The following TXNDC11 variants were observed in gnomAD, a reference collection of about 807,000 sequenced individuals.
TXNDC11 encodes thioredoxin domain containing 11, also known as thioredoxin domain-containing protein 11.
A neutral mutation model predicts 78.0 loss-of-function variants in TXNDC11; 68 were observed. The observed-to-expected ratio is 0.87, with a 90% CI of 0.72 to 1.07. The LOEUF (loss-of-function observed/expected upper bound fraction) is 1.07. Ranked by LOEUF, TXNDC11 falls within the 50% of genes least tolerant of loss-of-function variation. The pLI, the probability that TXNDC11 is intolerant of heterozygous loss-of-function variation, is 0.00. For missense variants in TXNDC11, 1,389 were observed against 1,221.8 expected (o/e 1.14, Z -2.04); for synonymous variants, 571 against 495.2 (o/e 1.15, Z -2.03).
intron 4 of TXNDC11, among the ~76,000 whole-genome samples, chr16:11,728,984 G>A (rs1368427808): frequency 6.6e-6 from 1 of 152,046 alleles, no homozygotes; most frequent in African/African-American, 2.4e-5. Flanking sequence ...CTGGGTAACA[G>A]AGTGAGACCA....
intron 3 of TXNDC11, among the ~76,000 whole-genome samples, chr16:11,732,968 C>T (rs1361916299): frequency 6.6e-6 from 1 of 152,214 alleles, no homozygotes; most frequent in African/African-American, 2.4e-5. Flanking sequence ...GTCCTATCTC[C>T]TATCTCCAAA....
intron 7 of TXNDC11, among the ~76,000 whole-genome samples, chr16:11,694,097 CTTTTTTTTTTTTTTTTT>C (rs535913245): frequency 1.2e-5 from 1 of 85,690 alleles, no homozygotes; most frequent in Non-Finnish European, 2.2e-5. Flanking sequence ...TACAGCAATG[CTTTTTTTTTTTTTTTTT>C]TTTTTTTTTT....
At position 11,691,783 on chromosome 16, in the gene TXNDC11, T is replaced by A. The variant is rs752661970; in HGVS notation, c.1407A>T (p.Ala469=). Reference sequence around the variant, plus strand: ...TGAGGTAGAAAGAATCCAGAGCTGCTGCCATTTCAAAAAAGCTGCACTGTG... The same window carrying A: ...TGAGGTAGAAAGAATCCAGAGCTGCAGCCATTTCAAAAAAGCTGCACTGTG... ...SVPQCSFFEM[A]AALDSFYLKE... Residue 469 remains alanine (A), a synonymous_variant, in exon 8 of 12, where the codon GCA becomes GCT. Coordinates refer to ENST00000283033, the MANE Select transcript of TXNDC11 (RefSeq NM_015914.7). The A allele has an allele frequency of 6.2e-7, 1 of 1,614,258 alleles. No individual in the cohort carries two copies. The highest frequency in any genetic ancestry group is 1.1e-5 in the South Asian group (1 of 91,092).
rs530068524 is a variant in TXNDC11 at position 11,692,137 on chromosome 16, C to T, written c.1108-55G>A. 20 of 1,369,286 alleles carry T rather than the reference C, an allele frequency of 1.5e-5. No homozygotes were observed. The East Asian group carries it at 3.3e-4, about 22-fold the overall frequency. 84.8% of individuals were successfully genotyped at this position (1,369,286 alleles called of 1,614,324 possible). A position where few individuals can be genotyped will look rare whatever the true frequency, so the allele number is the denominator to read the frequency against. ...CTTGGGGATGACTGAGGGACTAGCA[C>T]CCCGTTAGCCACGTTTCACTTTCTG... On this transcript the variant is annotated intron_variant, in intron 7 of 11. Transcript: ENST00000283033.
intron 1 of TXNDC11, 38 bp from the exon 2 acceptor site, chr16:11,736,271 A>T (rs2052218874): frequency 2.7e-6 from 4 of 1,466,910 alleles, no homozygotes; most frequent in Non-Finnish European, 3.7e-6. Context: ...TGCTTAGTTT[A>T]TCTTCTTCTA....
rs201416434 is a variant in TXNDC11 at position 11,679,428 on chromosome 16, C to T, written c.2644G>A (p.Asp882Asn). 77 of 1,613,486 alleles carry T rather than the reference C, an allele frequency of 4.8e-5. No individual in the cohort carries two copies. The East Asian group carries it at 1.0e-3, about 22-fold the overall frequency. The change falls in exon 12 of 12, where the codon GAT becomes AAT. Residue 882 changes from aspartate to asparagine, a missense_variant. Coordinates refer to ENST00000283033, the MANE Select transcript of TXNDC11 (RefSeq NM_015914.7). This position sits in a 1 kb window ranked among gnomAD's most constrained non-coding sequence, Gnocchi z 4.6. Reference sequence around the variant, plus strand: ...TCGGTAAGGAGGTTTTCTGAGGCATCGGCCAGCTCCTGCAGCTTGCGGGCC... The same window carrying T: ...TCGGTAAGGAGGTTTTCTGAGGCATTGGCCAGCTCCTGCAGCTTGCGGGCC... ...ELARKLQELA[D>N]ASENLLTENT...
chr16:11,734,102 C>T, intron 2 of TXNDC11, 23 bp from the exon 3 acceptor site: 2 of 1,481,078 alleles, frequency 1.4e-6, no homozygotes, highest in Non-Finnish European at 1.8e-6. Flanking sequence ...AAAAGGTTTT[C>T]AAATGACTAT....
intron 1 of TXNDC11, among the ~76,000 whole-genome samples, chr16:11,737,601 T>C (rs1411519647): frequency 2.0e-5 from 3 of 150,248 alleles, no homozygotes; most frequent in African/African-American, 4.9e-5. Flanking sequence ...CGGTGGCTCA[T>C]GCCTGTAATT....
At chr16:11,685,642 C>A (rs2050549520) in intron 10 of TXNDC11, among the ~76,000 whole-genome samples, 1 of 151,372 alleles carries the variant, frequency 6.6e-6, no homozygotes, top group South Asian at 2.1e-4. Flanking sequence ...GAGCAAGACT[C>A]CATCTCAAAA....
At chr16:11,698,705 AAAC>A (rs1405623889) in intron 6 of TXNDC11, among the ~76,000 whole-genome samples, 3 of 152,226 alleles carry the variant, frequency 2.0e-5, no homozygotes, top group Non-Finnish European at 4.4e-5. Flanking sequence ...AAGGGAACAG[AAAC>A]TACAGAGTCA....
Position 11,735,248 on chromosome 16 carries a change from C to T in TXNDC11, c.471+769G>A, listed in dbSNP as rs186967352. ...GGCAGGTAAGTCACCAACATATCACCTTTATCAGTCTACGTTTGTAACTAT... is the reference window on the plus strand; with the variant it reads ...GGCAGGTAAGTCACCAACATATCACTTTTATCAGTCTACGTTTGTAACTAT... On this transcript the variant is annotated intron_variant, in intron 2 of 11. Coordinates refer to ENST00000283033, the MANE Select transcript of TXNDC11 (RefSeq NM_015914.7). Among the ~76,000 whole-genome samples, 328 of 152,226 alleles carry T rather than the reference C, an allele frequency of 2.2e-3. 2 individuals are homozygous for T. Among genetic ancestry groups the T allele is most frequent in the African/African-American group, 7.4e-3 (309 of 41,536 alleles).
intron 2 of TXNDC11, 107 bp from the exon 3 acceptor site, chr16:11,734,186 CAG>C: frequency 1.3e-6 from 1 of 782,154 alleles, no homozygotes; most frequent in Non-Finnish European, 2.1e-6. Flanking sequence ...CTCACTGAAA[CAG>C]AAACTATGAA....
chr16:11,698,066 G>T, intron 7 of TXNDC11, 59 bp downstream of exon 7: 1 of 1,518,348 alleles, frequency 6.6e-7, no homozygotes, highest in Non-Finnish European at 9.1e-7. Context: ...GATGAGAGGA[G>T]CCAGGTAGAT....
In TXNDC11 at chr16:11,679,711, C is replaced by T; in HGVS notation, c.2361G>A (p.Glu787=). The T allele has an allele frequency of 6.2e-7, 1 of 1,614,234 alleles. No individual in the cohort carries two copies. The highest frequency in any genetic ancestry group is 2.2e-5 in the East Asian group (1 of 44,874). ...GTAAGACTGCCTCGCTCTGAAGACA[C>T]TCCTTGGTAGGAGAGTTAGCCACAT... is the stretch of plus-strand genomic sequence containing the variant. ...PQNVANSPTK[E]CLQSEAVLQR... is the part of the protein sequence containing the mutation. Residue 787 remains glutamate, a synonymous_variant, in exon 12 of 12, where the codon GAG becomes GAA. Transcript: ENST00000283033. This position sits in a 1 kb window ranked among gnomAD's most constrained non-coding sequence, Gnocchi z 4.6.
At chr16:11,708,121 T>A (rs185366746) in intron 5 of TXNDC11, among the ~76,000 whole-genome samples, 2 of 152,288 alleles carry the variant, frequency 1.3e-5, no homozygotes, top group African/African-American at 4.8e-5. Flanking sequence ...TTAAATTAGC[T>A]ATGTGGTTCA....
In TXNDC11 at chr16:11,710,898, C is replaced by A. The variant is rs545851407; in HGVS notation, c.794-10334G>T. ...ATCTATGCTTATTGTTAGGAAGATA[C>A]CACTAAAGCCCAGGGAAAACTAGAA... On this transcript the variant is annotated intron_variant, in intron 5 of 11. Transcript: ENST00000283033. Among the ~76,000 whole-genome samples the A allele has an allele frequency of 4.6e-5, 7 of 152,210 alleles. No individual in the cohort carries two copies. In the South Asian group the frequency reaches 1.0e-3, roughly 23 times the overall value.
At chr16:11,686,624 A>T (rs1597405460) in intron 10 of TXNDC11, among the ~76,000 whole-genome samples, 1 of 152,240 alleles carries the variant, frequency 6.6e-6, no homozygotes, top group South Asian at 2.1e-4. Context: ...AGATTCTGTC[A>T]CTTAAAACCA....
At chr16:11,717,377 G>C (rs1430793783) in intron 5 of TXNDC11, among the ~76,000 whole-genome samples, 2 of 138,704 alleles carry the variant, frequency 1.4e-5, no homozygotes, top group Non-Finnish European at 3.1e-5. Flanking sequence ...GGAGGTTGCA[G>C]TGAGCTGAGA....
Position 11,736,087 on chromosome 16 carries a change from G to T in TXNDC11, c.401C>A (p.Ala134Asp). 1 of 1,614,190 alleles carries T rather than the reference G, an allele frequency of 6.2e-7. No homozygotes were observed. Among genetic ancestry groups the T allele is most frequent in the Non-Finnish European group, 8.5e-7 (1 of 1,180,032 alleles). ...AGCGATGGACTGTCCACACCAAGGGGCATAGAAGAAGAGCAGTACCACCTC... is the reference window on the plus strand; with the variant it reads ...AGCGATGGACTGTCCACACCAAGGGTCATAGAAGAAGAGCAGTACCACCTC... ...DSEVVLLFFYAPWCGQSIAAR... is the reference protein window; with the variant it reads ...DSEVVLLFFYDPWCGQSIAAR... Residue 134 changes from alanine to aspartate, a missense_variant, in exon 2 of 12, where the codon GCC (alanine) becomes GAC (aspartate). Physicochemically the swap from Ala to Asp is moderately radical, Grantham distance 126. Coordinates refer to ENST00000283033, the MANE Select transcript of TXNDC11 (RefSeq NM_015914.7).
Sources: gnomAD v4.1 joint callset for allele counts (sites outside exome capture counted in the v4.1 genomes callset) on GRCh38, gnomAD v4.1.1 for gene constraint, Gnocchi (gnomAD v3.1) non-coding constraint, MANE v1.5 for transcripts, NCBI Gene and HGNC (gene_info 2026-07-23, HGNC 2026-07-21) for gene names.